The following ARHGEF4 variants were observed in gnomAD, a reference collection of about 807,000 sequenced individuals.
The protein encoded by ARHGEF4 is Rho guanine nucleotide exchange factor 4.
ARHGEF4 carries 119 observed loss-of-function variants against 162.0 expected under a neutral mutation model. The observed-to-expected ratio is 0.73, with a 90% CI of 0.63 to 0.86. The LOEUF is 0.86. Among genes scored for constraint, ARHGEF4 ranks in the 40% least tolerant of loss-of-function variants. The pLI is 0.00. For missense variants in ARHGEF4, 2,488 were observed against 2,456.0 expected, an observed-to-expected ratio of 1.01 and a Z score of -0.28; for synonymous variants, 1,014 against 979.9, an observed-to-expected ratio of 1.03 and a Z score of -0.65.
At chr2:131,026,462 C>T (rs1689481220) in intron 4 of ARHGEF4, among the ~76,000 whole-genome samples, 1 of 152,074 alleles carries the variant, frequency 6.6e-6, no homozygotes, top group Non-Finnish European at 1.5e-5. Flanking sequence ...AGTTGTGGCA[C>T]ATCTGAGTGA....
intron 3 of ARHGEF4, among the ~76,000 whole-genome samples, chr2:130,939,291 CTTTTCTTT>C (rs1303044244): frequency 6.6e-6 from 1 of 152,112 alleles, no homozygotes; most frequent in East Asian, 1.9e-4. Context: ...TTCTTTTCTT[CTTTTCTTT>C]TTTTCTTTTT....
intron 2 of ARHGEF4, among the ~76,000 whole-genome samples, chr2:130,920,097 C>CTTT (rs1681782621): frequency 6.6e-6 from 1 of 151,790 alleles, no homozygotes; most frequent in South Asian, 2.1e-4. Flanking sequence ...GTGTGTGTGT[C>CTTT]TTTCTGTTTG....
At chr2:130,852,831 G>A (rs1373943428) in intron 1 of ARHGEF4, among the ~76,000 whole-genome samples, 1 of 152,206 alleles carries the variant, frequency 6.6e-6, no homozygotes, top group Non-Finnish European at 1.5e-5. Context: ...CCACTCCTCA[G>A]GGTTGTGCTC....
chr2:130,918,431 A>G (rs1049023146), intron 2 of ARHGEF4, among the ~76,000 whole-genome samples: 1 of 151,322 alleles, frequency 6.6e-6, no homozygotes, highest in African/African-American at 2.4e-5. Flanking sequence ...CGTGCCCTGG[A>G]GACTGCGAAA....
chr2:130,852,442 C>T (rs1681474848), intron 1 of ARHGEF4, among the ~76,000 whole-genome samples: 1 of 152,008 alleles, frequency 6.6e-6, no homozygotes, highest in Admixed American at 6.6e-5. Context: ...CCTCCAGGAC[C>T]TCCAAGGAGG....
intron 4 of ARHGEF4, among the ~76,000 whole-genome samples, chr2:131,014,517 T>C (rs956177562): frequency 6.6e-6 from 1 of 152,212 alleles, no homozygotes; most frequent in Admixed American, 6.5e-5. Context: ...AACTGAAATC[T>C]TTATCCAGTT....
rs745543355 is a variant in ARHGEF4 at position 131,028,096 on chromosome 2, G to T, written c.4125+12G>T. ...TGGCTATCAATGAGGTAGGGTCAGG[G>T]CTGCACGGGCAGAGGGAGGGACAGG... On this transcript the variant is annotated intron_variant, in intron 5 of 13. Coordinates refer to ENST00000409359, the MANE Select transcript of ARHGEF4 (RefSeq NM_001367493.1). 13 of 1,613,296 alleles carry T rather than the reference G, an allele frequency of 8.1e-6. No homozygotes were observed. The South Asian group carries it at 8.8e-5, about 11-fold the overall frequency.
intron 1 of ARHGEF4, among the ~76,000 whole-genome samples, chr2:130,845,981 T>C (rs955152815): frequency 9.9e-5 from 15 of 152,222 alleles, no homozygotes; most frequent in Non-Finnish European, 2.2e-4. Context: ...GATTTGCTGC[T>C]GACTGTGCAC....
At chr2:130,981,916 A>AACAAACATAGTGTGAAGCAAT (rs1260863006) in intron 4 of ARHGEF4, among the ~76,000 whole-genome samples, 2 of 152,246 alleles carry the variant, frequency 1.3e-5, no homozygotes, top group Non-Finnish European at 2.9e-5. Context: ...CATGCAAAAC[A>AACAAACATAGTGTGAAGCAAT]ACAAACATAG....
At chr2:130,851,633 C>T (rs543230911) in intron 1 of ARHGEF4, among the ~76,000 whole-genome samples, 70 of 152,240 alleles carry the variant, frequency 4.6e-4, no homozygotes, top group Admixed American at 3.3e-4. Flanking sequence ...GGGCAGAGCT[C>T]GACACTATGT....
chr2:130,846,852 G>A (rs1273419581), intron 1 of ARHGEF4, among the ~76,000 whole-genome samples: 3 of 152,278 alleles, frequency 2.0e-5, no homozygotes, highest in South Asian at 4.1e-4. Context: ...CTGATTCATC[G>A]TGAGGTGGAA....
At chr2:130,837,139 C>T (rs1168472194) in intron 1 of ARHGEF4, 147 bp downstream of exon 1, 5 of 753,000 alleles carry the variant, frequency 6.6e-6, no homozygotes, top group African/African-American at 5.6e-5. Context: ...CCGCCGCTCC[C>T]AACTTTCCGA....
intron 1 of ARHGEF4, among the ~76,000 whole-genome samples, chr2:130,838,915 G>A (rs1680407565): frequency 1.3e-5 from 2 of 152,198 alleles, no homozygotes; most frequent in Admixed American, 1.3e-4. Flanking sequence ...CTGCCTGGGA[G>A]GCTCCTGGGA....
chr2:130,990,258 T>C (rs929431082), intron 4 of ARHGEF4, among the ~76,000 whole-genome samples: 1 of 152,232 alleles, frequency 6.6e-6, no homozygotes, highest in Admixed American at 6.5e-5. Flanking sequence ...AAAATATGTC[T>C]TACAAACAGT....
At chr2:130,855,040 A>T (rs1201546631) in intron 1 of ARHGEF4, among the ~76,000 whole-genome samples, 2 of 146,474 alleles carry the variant, frequency 1.4e-5, no homozygotes, top group African/African-American at 5.0e-5. Flanking sequence ...CGCCCGGCAA[A>T]TTTTTTTTTT....
chr2:130,964,317 C>T lies in ARHGEF4; in HGVS notation c.3985+17682C>T, dbSNP rs558055939. On this transcript the variant is annotated intron_variant, in intron 4 of 13. Transcript: ENST00000409359. ...CCGGGTCTGTGCTCTTGGGACCCCCCGCCCCCCTCCTGCCTTTCCTTCTCC... is the reference window on the plus strand; with the variant it reads ...CCGGGTCTGTGCTCTTGGGACCCCCTGCCCCCCTCCTGCCTTTCCTTCTCC... 35 of 920,802 alleles carry T rather than the reference C, an allele frequency of 3.8e-5. No individual in the cohort carries two copies. In the South Asian group the frequency reaches 1.4e-3, roughly 38 times the overall value. The allele number at this position is 920,802 out of a possible 1,614,324, so 57.0% of individuals were successfully genotyped here.
chr2:130,916,529 G>A lies in ARHGEF4; in HGVS notation c.2583G>A (p.Pro861=), dbSNP rs1163826113. The change falls in exon 2 of 14, where the codon CCG becomes CCA. Residue 861 remains proline (P), a synonymous_variant. Coordinates refer to ENST00000409359, the MANE Select transcript of ARHGEF4 (RefSeq NM_001367493.1). The part of the protein sequence containing the change: ...GDASAWPEFV[P]QAAGDRTAGP... ...CCAGCGCCTGGCCCGAGTTTGTCCC[G>A]CAGGCTGCAGGCGACAGGACTGCAG... The A allele has an allele frequency of 6.5e-7, 1 of 1,549,666 alleles. No homozygotes were observed. Among genetic ancestry groups the A allele is most frequent in the Non-Finnish European group, 8.7e-7 (1 of 1,146,862 alleles).
At chr2:130,990,819 C>A (rs190318377) in intron 4 of ARHGEF4, among the ~76,000 whole-genome samples, 1 of 151,708 alleles carries the variant, frequency 6.6e-6, no homozygotes, top group East Asian at 1.9e-4. Context: ...GTTGTTTTTT[C>A]CCTTAATTCT....
chr2:131,047,225 A>AATT lies in ARHGEF4; in HGVS notation c.*1037_*1039dup, dbSNP rs1691330894. On this transcript the variant is annotated 3_prime_UTR_variant, in exon 14 of 14. Transcript: ENST00000409359. ...CTTCTCCAAGCCAGAAACCACATTT[A>AATT]ATTTCATAAATAAATTTATGAAAAG... 1 of 152,200 alleles carries AATT rather than the reference A, an allele frequency of 6.6e-6. No homozygotes were observed. The highest frequency in any genetic ancestry group is 2.1e-4 in the South Asian group (1 of 4,832). The allele number at this position is 152,200 out of a possible 1,614,324, so 9.4% of individuals were successfully genotyped here.
Sources: allele counts gnomAD v4.1 joint callset (sites outside exome capture counted in the v4.1 genomes callset), GRCh38; gene constraint gnomAD v4.1.1; transcripts MANE v1.5; gene names NCBI Gene and HGNC (gene_info 2026-07-23, HGNC 2026-07-21).